ANKS1B: variants seen among roughly 807,000 people sequenced by gnomAD.
ANKS1B encodes ankyrin repeat and sterile alpha motif domain-containing protein 1B.
ANKS1B carries 36 observed loss-of-function variants against 148.3 expected under a neutral mutation model. The ratio of observed to expected loss-of-function variants is 0.24; its 90% confidence interval spans 0.19 to 0.32. The LOEUF is 0.32. Ranked by LOEUF, ANKS1B falls within the 10% of genes least tolerant of loss-of-function variation. The pLI is 1.00. For synonymous variants in ANKS1B, 542 were observed against 560.8 expected (o/e 0.97, Z 0.47); for missense variants, 1,157 against 1,542.6 (o/e 0.75, Z 4.19).
intron 1 of ANKS1B, among the ~76,000 whole-genome samples, chr12:99,876,317 CA>C (rs1371648442): frequency 6.6e-6 from 1 of 152,152 alleles, no homozygotes; most frequent in Non-Finnish European, 1.5e-5. Flanking sequence ...AGTTGTGCAG[CA>C]CCCAAAAGCA....
At chr12:99,008,831 A>T (rs1333082406) in intron 17 of ANKS1B, among the ~76,000 whole-genome samples, 1 of 152,214 alleles carries the variant, frequency 6.6e-6, no homozygotes, top group Non-Finnish European at 1.5e-5. Context: ...TGTGTTCATC[A>T]TTGAAGAAGG....
rs185933906 is a variant in ANKS1B at position 99,304,500 on chromosome 12, C to T, written c.1757-57636G>A. Among the ~76,000 whole-genome samples, 240 of 152,196 alleles carry T rather than the reference C, an allele frequency of 1.6e-3. 2 individuals carry two copies. The East Asian group carries it at 0.016, about 10-fold the overall frequency. ...ACCGTTTTCTTTTACTAGCTTTTGCCTCTCAGAGAGCGTGAGTTAGGAGGT... is the reference window on the plus strand; with the variant it reads ...ACCGTTTTCTTTTACTAGCTTTTGCTTCTCAGAGAGCGTGAGTTAGGAGGT... On this transcript the variant is annotated intron_variant, in intron 12 of 26. Transcript: ENST00000683438.
intron 9 of ANKS1B, chr12:99,649,388 T>C (rs149641019): frequency 2.5e-6 from 4 of 1,613,100 alleles, no homozygotes; most frequent in African/African-American, 2.7e-5. Context: ...GATTATACAA[T>C]AGAGATATGA....
chr12:99,317,043 C>A (rs1411713787), intron 12 of ANKS1B, among the ~76,000 whole-genome samples: 2 of 152,138 alleles, frequency 1.3e-5, no homozygotes, highest in Non-Finnish European at 1.5e-5. Context: ...GTTTTGGTAC[C>A]AGTACCATGC....
chr12:99,713,946 CACTA>C (rs2056965505), intron 8 of ANKS1B, among the ~76,000 whole-genome samples: 1 of 152,228 alleles, frequency 6.6e-6, no homozygotes, highest in Non-Finnish European at 1.5e-5. Flanking sequence ...AATAAATTCT[CACTA>C]ACTTAGTGGC....
intron 4 of ANKS1B, among the ~76,000 whole-genome samples, chr12:99,804,079 C>T (rs1443060946): frequency 2.0e-4 from 31 of 152,260 alleles, no homozygotes; most frequent in Admixed American, 2.0e-3. Context: ...CTGGTCATGT[C>T]ATCTAGTACA....
chr12:98,975,014 T>TC (rs1279991788), intron 17 of ANKS1B, among the ~76,000 whole-genome samples: 7 of 130,636 alleles, frequency 5.4e-5, no homozygotes, highest in African/African-American at 1.7e-4. Flanking sequence ...CCTTCCTCCC[T>TC]CCCTCCCCTC....
intron 4 of ANKS1B, among the ~76,000 whole-genome samples, chr12:99,796,826 T>C (rs933515454): frequency 1.3e-5 from 2 of 151,976 alleles, no homozygotes; most frequent in African/African-American, 4.8e-5. Context: ...GTATATCCTT[T>C]ACATTATTCC....
intron 8 of ANKS1B, among the ~76,000 whole-genome samples, chr12:99,732,331 G>C (rs1388846141): frequency 6.6e-6 from 1 of 152,010 alleles, no homozygotes; most frequent in Non-Finnish European, 1.5e-5. Context: ...AAAACACAAA[G>C]ACTTACATGC....
At chr12:99,185,944 C>T (rs1023738833) in intron 14 of ANKS1B, among the ~76,000 whole-genome samples, 23 of 152,162 alleles carry the variant, frequency 1.5e-4, no homozygotes, top group African/African-American at 5.3e-4. Context: ...AGTGGTCTAG[C>T]TCAGTGGATC....
rs981227075 is a variant in ANKS1B, at chr12:99,363,441, C to T, written c.1756+36190G>A. Among the ~76,000 whole-genome samples the T allele has an allele frequency of 4.6e-5, 7 of 152,020 alleles. No individual in the cohort carries two copies. The South Asian group carries it at 1.2e-3, about 27-fold the overall frequency. ...ATGCCAAAGGAAATAAATAATACAG[C>T]GTATAAGTGATACAGGCTACCAAGA... On this transcript the variant is annotated intron_variant, in intron 12 of 26. Coordinates refer to ENST00000683438, the MANE Select transcript of ANKS1B (RefSeq NM_001352186.2).
chr12:99,559,840 A>C (rs1409477143), intron 9 of ANKS1B, among the ~76,000 whole-genome samples: 1 of 152,236 alleles, frequency 6.6e-6, no homozygotes, highest in African/African-American at 2.4e-5. Flanking sequence ...TATAAAAATC[A>C]TATAGAGGAT....
intron 12 of ANKS1B, among the ~76,000 whole-genome samples, chr12:99,328,496 G>C (rs931051685): frequency 6.6e-6 from 1 of 151,914 alleles, no homozygotes; most frequent in African/African-American, 2.4e-5. Flanking sequence ...ATTAGAATTA[G>C]GTGGAGTACA....
chr12:99,396,844 C>T (rs560074801), intron 12 of ANKS1B, among the ~76,000 whole-genome samples: 2 of 152,150 alleles, frequency 1.3e-5, no homozygotes, highest in Admixed American at 6.5e-5. Flanking sequence ...TTCAGAAAAT[C>T]GATCATCCCC....
chr12:99,201,850 T>G (rs2082106615), intron 14 of ANKS1B, among the ~76,000 whole-genome samples: 1 of 152,204 alleles, frequency 6.6e-6, no homozygotes, highest in Non-Finnish European at 1.5e-5. Context: ...TATTTCCAGT[T>G]ACACAATAAG....
At chr12:99,143,327 G>A (rs1181206317) in intron 15 of ANKS1B, among the ~76,000 whole-genome samples, 2 of 152,074 alleles carry the variant, frequency 1.3e-5, no homozygotes, top group Non-Finnish European at 2.9e-5. Context: ...TTTGTAAGTA[G>A]AGTTGCAAGG....
chr12:99,982,671 T>C (rs1394855258), intron 1 of ANKS1B, among the ~76,000 whole-genome samples: 2 of 152,176 alleles, frequency 1.3e-5, no homozygotes, highest in Non-Finnish European at 2.9e-5. Flanking sequence ...CAATCTGAAA[T>C]ATGCACACAT....
rs774264181 is a variant in ANKS1B, at chr12:99,978,828, C to T, written c.134+5276G>A. 4.6e-5 allele frequency among the ~76,000 whole-genome samples: 7 copies of T among 152,118 alleles called. No homozygotes were observed. In the East Asian group the frequency reaches 9.6e-4, roughly 21 times the overall value. The stretch of plus-strand genomic sequence containing the variant: ...CACTTCTTATTGATCTACTTTTTCA[C>T]ATGGGGATCTTAAGAACTGTATTAT... On this transcript the variant is annotated intron_variant, in intron 1 of 26. Transcript: ENST00000683438.
intron 1 of ANKS1B, among the ~76,000 whole-genome samples, chr12:99,832,935 A>G (rs2084264718): frequency 6.6e-6 from 1 of 152,206 alleles, no homozygotes; most frequent in Non-Finnish European, 1.5e-5. Context: ...ATATAAAGTG[A>G]AAAACGTAAA....
Sources: gnomAD v4.1 joint callset for allele counts (sites outside exome capture counted in the v4.1 genomes callset) on GRCh38, gnomAD v4.1.1 for gene constraint, MANE v1.5 for transcripts, NCBI Gene and HGNC (gene_info 2026-07-23, HGNC 2026-07-21) for gene names.